Variants in CSMD1 observed in about 807,000 individuals in gnomAD.
The protein encoded by CSMD1 is CUB and sushi domain-containing protein 1.
CSMD1 carries 213 observed loss-of-function variants against 417.5 expected under a neutral mutation model. That is an observed-to-expected ratio of 0.51 (90% CI 0.46 to 0.57). The LOEUF (loss-of-function observed/expected upper bound fraction) is 0.57. Among genes scored for constraint, CSMD1 ranks in the 20% least tolerant of loss-of-function variants. The probability of loss-of-function intolerance (pLI) is 0.00; values close to 1 mark genes in which losing one functional copy is unlikely to be tolerated. For missense variants in CSMD1, 6,923 were observed against 4,529.7 expected, an observed-to-expected ratio of 1.53 and a Z score of -15.17; for synonymous variants, 2,862 against 1,736.8, an observed-to-expected ratio of 1.65 and a Z score of -16.11.
intron 5 of CSMD1, among the ~76,000 whole-genome samples, chr8:3,831,137 C>T (rs543133375): frequency 4.1e-4 from 62 of 152,118 alleles, no homozygotes; most frequent in Non-Finnish European, 7.2e-4. Context: ...TTCACAAATG[C>T]TTTCACAATT....
chr8:3,686,754 C>T (rs1037563778), intron 7 of CSMD1, among the ~76,000 whole-genome samples: 2 of 152,210 alleles, frequency 1.3e-5, no homozygotes, highest in Admixed American at 6.5e-5. Flanking sequence ...ATTCTTTGTC[C>T]AAGCCAGTCT....
intron 1 of CSMD1, among the ~76,000 whole-genome samples, chr8:4,847,714 C>T (rs553979057): frequency 2.6e-5 from 4 of 151,714 alleles, no homozygotes; most frequent in South Asian, 2.1e-4. Flanking sequence ...TTGTTCTTCA[C>T]GCCTACCTTG....
At chr8:4,744,455 A>C (rs1810821531) in intron 1 of CSMD1, among the ~76,000 whole-genome samples, 1 of 152,198 alleles carries the variant, frequency 6.6e-6, no homozygotes, top group African/African-American at 2.4e-5. Flanking sequence ...GCACTGTCCC[A>C]AAATGCTCTC....
intron 4 of CSMD1, among the ~76,000 whole-genome samples, chr8:4,029,301 C>A (rs761816560): frequency 6.6e-6 from 1 of 152,124 alleles, no homozygotes; most frequent in Non-Finnish European, 1.5e-5. Context: ...AGTCTGTTTT[C>A]ACGCTGGTGA....
At chr8:2,949,651 C>A (rs1371859701) in intron 67 of CSMD1, among the ~76,000 whole-genome samples, 2 of 143,916 alleles carry the variant, frequency 1.4e-5, no homozygotes, top group Non-Finnish European at 3.1e-5. Context: ...ACAATATATC[C>A]ATATGTTAAC....
At chr8:4,018,152 A>T (rs1796613398) in intron 4 of CSMD1, among the ~76,000 whole-genome samples, 1 of 152,312 alleles carries the variant, frequency 6.6e-6, no homozygotes, top group East Asian at 1.9e-4. Context: ...GTCTTTTTTC[A>T]AAGAAACCCT....
chr8:3,360,166 C>G (rs577967971), intron 20 of CSMD1, among the ~76,000 whole-genome samples: 1 of 152,084 alleles, frequency 6.6e-6, no homozygotes, highest in Non-Finnish European at 1.5e-5. Flanking sequence ...AATCTGTAAA[C>G]CATGTGAGAT....
chr8:4,843,543 C>T (rs1294968789), intron 1 of CSMD1, among the ~76,000 whole-genome samples: 1 of 152,056 alleles, frequency 6.6e-6, no homozygotes, highest in East Asian at 1.9e-4. Context: ...AAGTCTTCAC[C>T]ATCATAAAGG....
chr8:4,942,092 G>T (rs567723144), intron 1 of CSMD1, among the ~76,000 whole-genome samples: 2 of 152,050 alleles, frequency 1.3e-5, no homozygotes, highest in East Asian at 3.9e-4. Flanking sequence ...TATTTTTACA[G>T]GTAACATTCC....
chr8:3,845,729 T>G (rs986908098), intron 5 of CSMD1, among the ~76,000 whole-genome samples: 5 of 152,192 alleles, frequency 3.3e-5, no homozygotes, highest in African/African-American at 9.6e-5. Context: ...TTTTTCATCT[T>G]TTTTACTCTT....
intron 3 of CSMD1, among the ~76,000 whole-genome samples, chr8:4,038,728 G>C (rs147936852): frequency 2.0e-5 from 3 of 152,136 alleles, no homozygotes; most frequent in African/African-American, 7.2e-5. Context: ...TTAGGTGATG[G>C]GAATTCTGCG....
intron 3 of CSMD1, among the ~76,000 whole-genome samples, chr8:4,207,387 T>G (rs1260338995): frequency 6.6e-6 from 1 of 152,168 alleles, no homozygotes; most frequent in Non-Finnish European, 1.5e-5. Flanking sequence ...CACACACTCA[T>G]GGAAGATTTT....
chr8:4,273,891 G>A (rs778787541), intron 3 of CSMD1, among the ~76,000 whole-genome samples: 1 of 152,150 alleles, frequency 6.6e-6, no homozygotes. Context: ...TAAGTGTTCA[G>A]TAAGTGTTGA....
chr8:3,618,268 G>C (rs1236803541), intron 7 of CSMD1, among the ~76,000 whole-genome samples: 1 of 152,068 alleles, frequency 6.6e-6, no homozygotes, highest in Non-Finnish European at 1.5e-5. Flanking sequence ...GCCTCCTAAA[G>C]TGTTGGGGTT....
chr8:4,594,963 T>G (rs1296158406), intron 2 of CSMD1, among the ~76,000 whole-genome samples: 1 of 152,226 alleles, frequency 6.6e-6, no homozygotes, highest in Non-Finnish European at 1.5e-5. Context: ...ATGTTTTTCA[T>G]ACTTGATGCC....
At chr8:3,007,431 A>T (rs558013453) in intron 52 of CSMD1, among the ~76,000 whole-genome samples, 2 of 151,370 alleles carry the variant, frequency 1.3e-5, no homozygotes, top group African/African-American at 4.9e-5. Flanking sequence ...GTATATACCC[A>T]AAGGACTATA....
In CSMD1 at chr8:4,687,376, T is replaced by C. The variant is rs182913390; in HGVS notation, c.86-49818A>G. On this transcript the variant is annotated intron_variant, in intron 1 of 69. Coordinates refer to ENST00000635120, the MANE Select transcript of CSMD1 (RefSeq NM_033225.6). ...CTAAAGTACATTAAGTAACGTGATATAGCTTACAAATGTCATAAAAATACG... is the reference window on the plus strand; with the variant it reads ...CTAAAGTACATTAAGTAACGTGATACAGCTTACAAATGTCATAAAAATACG... Among the ~76,000 whole-genome samples the C allele has an allele frequency of 2.7e-3, 416 of 152,260 alleles. 1 individual carries two copies. Among genetic ancestry groups the C allele is most frequent in the Non-Finnish European group, 2.6e-3 (174 of 68,024 alleles).
intron 3 of CSMD1, among the ~76,000 whole-genome samples, chr8:4,065,977 A>C (rs1258024997): frequency 2.0e-5 from 3 of 152,180 alleles, no homozygotes; most frequent in Non-Finnish European, 4.4e-5. Flanking sequence ...TTGGGTGAAA[A>C]ATAAAATAGG....
intron 1 of CSMD1, among the ~76,000 whole-genome samples, chr8:4,798,923 T>A (rs1457179): frequency 2.6e-5 from 4 of 151,996 alleles, no homozygotes; most frequent in African/African-American, 9.7e-5. Flanking sequence ...CAGCAACTGT[T>A]TGCATCGGCC....
Sources: allele counts gnomAD v4.1 joint callset (sites outside exome capture counted in the v4.1 genomes callset), GRCh38; gene constraint gnomAD v4.1.1; transcripts MANE v1.5; gene names NCBI Gene and HGNC (gene_info 2026-07-23, HGNC 2026-07-21).